USP22: variants seen among roughly 807,000 people sequenced by gnomAD.
The protein encoded by USP22 is ubiquitin carboxyl-terminal hydrolase 22.
A neutral mutation model predicts 68.1 loss-of-function variants in USP22; 22 were observed. That is an observed-to-expected ratio of 0.32 (90% CI 0.23 to 0.46). The LOEUF is 0.46. Among genes scored for constraint, USP22 ranks in the 20% least tolerant of loss-of-function variants. USP22 has a pLI of 1.00. For missense variants in USP22, 433 were observed against 695.8 expected, an observed-to-expected ratio of 0.62 and a Z score of 4.25; for synonymous variants, 279 against 274.2, an observed-to-expected ratio of 1.02 and a Z score of -0.17.
rs1426305613 is a variant in USP22, at chr17:21,006,929, AG to A, written c.1288del (p.Leu430TrpfsTer5). 1 of 1,609,480 alleles carries A rather than the reference AG, an allele frequency of 6.2e-7. No individual in the cohort carries two copies. The highest frequency in any genetic ancestry group is 1.7e-5 in the Admixed American group (1 of 59,550). ...RKITTYVSFP[L>X]ELDMTPFMAS... ...CATGAAAGGGGTCATGTCCAGCTCCAGGGGGAAGGACACATACGTGGTGATC... is the reference window on the plus strand; with the variant it reads ...CATGAAAGGGGTCATGTCCAGCTCCAGGGGAAGGACACATACGTGGTGATC... On this transcript the variant is annotated frameshift_variant, in exon 10 of 13. Transcript: ENST00000261497. LOFTEE classifies it high-confidence loss of function.
rs72840122 is a variant in USP22, at chr17:21,024,827, G to C, written c.305-3601C>G. ...ACACAAAGTACAAAAAATCAGCCAA[G>C]CGTGGTGGCGCGTACCTGTGGTCCC... On this transcript the variant is annotated intron_variant, in intron 2 of 12. Coordinates refer to ENST00000261497, the MANE Select transcript of USP22 (RefSeq NM_015276.2). 4.1e-3 allele frequency among the ~76,000 whole-genome samples: 623 copies of C among 152,238 alleles called. 3 individuals carry two copies. The highest frequency in any genetic ancestry group is 9.4e-3 in the Admixed American group (144 of 15,284).
chr17:21,032,316 T>C (rs1046153996), intron 1 of USP22, among the ~76,000 whole-genome samples: 4 of 152,218 alleles, frequency 2.6e-5, no homozygotes, highest in Non-Finnish European at 5.9e-5. Context: ...TATCCTGTTG[T>C]TAAACAATGC....
At chr17:21,042,502 G>C (rs1266693939) in intron 1 of USP22, among the ~76,000 whole-genome samples, 163 bp downstream of exon 1, 3 of 147,416 alleles carry the variant, frequency 2.0e-5, no homozygotes, top group African/African-American at 7.5e-5. Context: ...GGAAAGGAGG[G>C]GGAAGGGGTA....
chr17:21,011,038 A>AC, intron 8 of USP22, 113 bp downstream of exon 8: 1 of 1,392,328 alleles, frequency 7.2e-7, no homozygotes, highest in South Asian at 1.5e-5. Context: ...CTCATGCTGC[A>AC]CCTTTGCCCA....
chr17:21,023,166 C>T (rs1035271252), intron 2 of USP22, among the ~76,000 whole-genome samples: 9 of 152,034 alleles, frequency 5.9e-5, no homozygotes, highest in Admixed American at 3.3e-4. Context: ...ACAGACACTG[C>T]GGCCTACTTG....
chr17:21,032,285 A>T (rs989449999), intron 1 of USP22, among the ~76,000 whole-genome samples: 1 of 152,228 alleles, frequency 6.6e-6, no homozygotes, highest in Non-Finnish European at 1.5e-5. Flanking sequence ...AAAATCGCCT[A>T]ACAATGCATT....
At chr17:21,036,606 G>C (rs577657619) in intron 1 of USP22, among the ~76,000 whole-genome samples, 1 of 151,432 alleles carries the variant, frequency 6.6e-6, no homozygotes, top group Non-Finnish European at 1.5e-5. Context: ...CAACAGGTAA[G>C]TAAGTAGATT....
Position 21,004,921 on chromosome 17 carries a change from C to A in USP22, c.1385+7G>T. 6.2e-7 allele frequency: 1 copy of A among 1,614,144 alleles called. No individual in the cohort carries two copies. The highest frequency in any genetic ancestry group is 8.5e-7 in the Non-Finnish European group (1 of 1,180,002). Reference sequence around the variant, plus strand: ...CCTGGACACCCACACCGCTAAGCACCACTTACTTGTTGTCATTGTTGAGAC... The same window carrying A: ...CCTGGACACCCACACCGCTAAGCACAACTTACTTGTTGTCATTGTTGAGAC... On this transcript the variant is annotated splice_region_variant and intron_variant, in intron 11 of 12. Coordinates refer to ENST00000261497, the MANE Select transcript of USP22 (RefSeq NM_015276.2).
intron 1 of USP22, among the ~76,000 whole-genome samples, chr17:21,036,897 G>A (rs150301630): frequency 1.3e-5 from 2 of 152,190 alleles, no homozygotes; most frequent in Non-Finnish European, 1.5e-5. Flanking sequence ...CAGATCTTGA[G>A]ATCTAATTCC....
chr17:21,011,313 G>A lies in USP22; in HGVS notation c.945-4C>T. 1 of 1,553,590 alleles carries A rather than the reference G, an allele frequency of 6.4e-7. No homozygotes were observed. Among genetic ancestry groups the A allele is most frequent in the Non-Finnish European group, 8.7e-7 (1 of 1,147,996 alleles). On this transcript the variant is annotated splice_region_variant and splice_polypyrimidine_tract_variant and intron_variant, in intron 7 of 12. Transcript: ENST00000261497. ...GTCGATGGTGGTGGAGACTCCACTG[G>A]AAGCAGAGGGAAAACAATGGCTGTG...
In USP22 at chr17:21,008,577, G is replaced by GT. The variant is rs535888016; in HGVS notation, c.1104-582_1104-581insA. Among the ~76,000 whole-genome samples, 1,193 of 152,324 alleles carry GT rather than the reference G, an allele frequency of 7.8e-3. 15 individuals are homozygous for GT. Among genetic ancestry groups the GT allele is most frequent in the Admixed American group, 0.015 (235 of 15,300 alleles). ...CTGGAATTGTCAGGCGTATGGAAAT[G>GT]CAGGAGTCCAGGGTGACTGCGGTTA... On this transcript the variant is annotated intron_variant, in intron 8 of 12. Transcript: ENST00000261497.
chr17:21,026,615 C>T (rs956499395), intron 2 of USP22, among the ~76,000 whole-genome samples: 2 of 151,400 alleles, frequency 1.3e-5, no homozygotes, highest in African/African-American at 2.4e-5. Flanking sequence ...CAAGCCACAC[C>T]GCTCCTCCCT....
At chr17:21,004,821 C>T in intron 11 of USP22, 107 bp downstream of exon 11, 2 of 1,255,690 alleles carry the variant, frequency 1.6e-6, no homozygotes, top group Non-Finnish European at 2.2e-6. Flanking sequence ...AAGCGGGAAG[C>T]AGGTCAGTGG....
chr17:21,000,165 G>A lies in USP22; in HGVS notation c.*2866C>T, dbSNP rs1913511730. ...GGGTCACCAAGGGGGCCCCTTAGTG[G>A]TCAGATGCACTTTGTCACAATGTAC... On this transcript the variant is annotated 3_prime_UTR_variant, in exon 13 of 13. Transcript: ENST00000261497. The A allele has an allele frequency of 1.3e-5, 2 of 152,254 alleles. No homozygotes were observed. Among genetic ancestry groups the A allele is most frequent in the Admixed American group, 6.5e-5 (1 of 15,290 alleles). The allele number at this position is 152,254 out of a possible 1,614,324, so 9.4% of individuals were successfully genotyped here. A position where few individuals can be genotyped will look rare whatever the true frequency, so the allele number is the denominator to read the frequency against.
At chr17:21,004,084 C>G in intron 12 of USP22, 118 bp downstream of exon 12, 2 of 1,389,724 alleles carry the variant, frequency 1.4e-6, no homozygotes, top group South Asian at 2.8e-5. Context: ...ATTACTTCGG[C>G]AAATGAAGGT....
intron 6 of USP22, among the ~76,000 whole-genome samples, chr17:21,013,438 C>T (rs1914029252): frequency 6.6e-6 from 1 of 152,170 alleles, no homozygotes; most frequent in African/African-American, 2.4e-5. Flanking sequence ...CAGTCAGTTG[C>T]ATCTGGAAGT....
rs1913640153 is a variant in USP22 at position 21,002,935 on chromosome 17, C to CGGTGGGA, written c.*95_*96insTCCCACC. The CGGTGGGA allele has an allele frequency of 5.8e-6, 8 of 1,373,408 alleles. No individual in the cohort carries two copies. In the South Asian group the frequency reaches 9.5e-5, roughly 16 times the overall value. 85.1% of individuals were successfully genotyped at this position (1,373,408 alleles called of 1,614,324 possible). On this transcript the variant is annotated 3_prime_UTR_variant, in exon 13 of 13. Coordinates refer to ENST00000261497, the MANE Select transcript of USP22 (RefSeq NM_015276.2). ...AGGTGGTGTCACCAGGCCGGGGAGG[C>CGGTGGGA]GGCGGGAGACTTGGGGGAGGGGGGG...
chr17:21,032,152 C>G (rs1266063300), intron 1 of USP22, among the ~76,000 whole-genome samples: 1 of 128,708 alleles, frequency 7.8e-6, no homozygotes, highest in South Asian at 2.1e-4. Context: ...GTGTTCAGTA[C>G]GGTACGTGCT....
intron 5 of USP22, 125 bp from the exon 6 acceptor site, chr17:21,016,024 G>T (rs7207753): frequency 4.0e-6 from 5 of 1,263,306 alleles, no homozygotes; most frequent in African/African-American, 1.5e-5. Flanking sequence ...ACAAATGTTT[G>T]GATTTTACTT....
Sources: allele counts gnomAD v4.1 joint callset (sites outside exome capture counted in the v4.1 genomes callset), GRCh38; gene constraint gnomAD v4.1.1; transcripts MANE v1.5; gene names NCBI Gene and HGNC (gene_info 2026-07-23, HGNC 2026-07-21).